ZHX2: variants seen among roughly 807,000 people sequenced by gnomAD.
ZHX2 encodes the protein zinc fingers and homeoboxes 2, also known as zinc fingers and homeoboxes protein 2.
Under a neutral mutation model 21.9 loss-of-function variants are expected in ZHX2, and 6 were observed. That is an observed-to-expected ratio of 0.27 (90% confidence interval 0.15 to 0.54). The LOEUF (loss-of-function observed/expected upper bound fraction) is 0.54, where lower values mean the gene tolerates loss of function less well. Ranked by LOEUF, ZHX2 falls within the 20% of genes least tolerant of loss-of-function variation. The pLI, the probability that ZHX2 is intolerant of heterozygous loss-of-function variation, is 0.95. For synonymous variants in ZHX2, 434 were observed against 437.1 expected, an observed-to-expected ratio of 0.99 and a Z score of 0.09; for missense variants, 908 against 1,090.7, an observed-to-expected ratio of 0.83 and a Z score of 2.36.
intron 1 of ZHX2, among the ~76,000 whole-genome samples, chr8:122,799,338 A>G (rs1475137416): frequency 6.6e-6 from 1 of 152,222 alleles, no homozygotes; most frequent in Non-Finnish European, 1.5e-5. Flanking sequence ...TACAAGATCA[A>G]ATGCTAAGTA....
At chr8:122,844,618 G>A (rs530907050) in intron 1 of ZHX2, among the ~76,000 whole-genome samples, 11 of 152,322 alleles carry the variant, frequency 7.2e-5, no homozygotes, top group African/African-American at 2.6e-4. Context: ...GGAGGTCAGG[G>A]TGAGGGAAGA....
chr8:122,870,752 C>T (rs1025048642), intron 2 of ZHX2, among the ~76,000 whole-genome samples: 17 of 151,422 alleles, frequency 1.1e-4, no homozygotes, highest in Admixed American at 3.3e-4. Flanking sequence ...GAGATGGTGG[C>T]TGTTCCGATG....
chr8:122,944,721 G>A (rs1190850732), intron 2 of ZHX2, among the ~76,000 whole-genome samples: 1 of 152,166 alleles, frequency 6.6e-6, no homozygotes, highest in East Asian at 1.9e-4. Context: ...TCGACTGCAG[G>A]AACCAATCAC....
At chr8:122,875,514 T>C (rs1245294841) in intron 2 of ZHX2, among the ~76,000 whole-genome samples, 1 of 152,128 alleles carries the variant, frequency 6.6e-6, no homozygotes. Flanking sequence ...CTTTGGGTCA[T>C]GAAAGCACCT....
chr8:122,891,455 C>T (rs1819977146), intron 2 of ZHX2, among the ~76,000 whole-genome samples: 1 of 151,618 alleles, frequency 6.6e-6, no homozygotes. Context: ...TATTTCTTTC[C>T]TTCTACTAAT....
chr8:122,935,965 A>G (rs1030879859), intron 2 of ZHX2, among the ~76,000 whole-genome samples: 3 of 152,204 alleles, frequency 2.0e-5, no homozygotes, highest in African/African-American at 7.2e-5. Flanking sequence ...GAAGGCAAGA[A>G]TCTTATACCT....
At chr8:122,830,811 T>C (rs1036634559) in intron 1 of ZHX2, among the ~76,000 whole-genome samples, 6 of 152,178 alleles carry the variant, frequency 3.9e-5, no homozygotes, top group African/African-American at 1.4e-4. Context: ...CATACATGAT[T>C]TTAAAGGGAC....
chr8:122,820,463 G>C (rs929347260), intron 1 of ZHX2, among the ~76,000 whole-genome samples: 1 of 152,164 alleles, frequency 6.6e-6, no homozygotes, highest in Non-Finnish European at 1.5e-5. Flanking sequence ...AATAGCACCC[G>C]CCTCCCTCCC....
At chr8:122,804,101 CA>C (rs1214823285) in intron 1 of ZHX2, among the ~76,000 whole-genome samples, 1 of 151,980 alleles carries the variant, frequency 6.6e-6, no homozygotes, top group African/African-American at 2.4e-5. Context: ...TTTATTTGTC[CA>C]TTTATTTATA....
At chr8:122,888,122 G>T (rs754728869) in intron 2 of ZHX2, among the ~76,000 whole-genome samples, 14 of 152,142 alleles carry the variant, frequency 9.2e-5, no homozygotes, top group Non-Finnish European at 1.9e-4. Flanking sequence ...GGACCAGGCA[G>T]CAGTCATCTC....
At chr8:122,907,853 C>T (rs894926231) in intron 2 of ZHX2, among the ~76,000 whole-genome samples, 1 of 152,152 alleles carries the variant, frequency 6.6e-6, no homozygotes, top group Admixed American at 6.5e-5. Flanking sequence ...CACTCCCAGC[C>T]CAGCACCAGG....
At chr8:122,908,118 A>C (rs1306346069) in intron 2 of ZHX2, among the ~76,000 whole-genome samples, 1 of 152,150 alleles carries the variant, frequency 6.6e-6, no homozygotes, top group Non-Finnish European at 1.5e-5. Context: ...GCCCCGCCCA[A>C]CCCAAAATCT....
chr8:122,818,467 T>C (rs765974498), intron 1 of ZHX2, among the ~76,000 whole-genome samples: 1 of 152,016 alleles, frequency 6.6e-6, no homozygotes, highest in Non-Finnish European at 1.5e-5. Flanking sequence ...TGAGAGCTGA[T>C]CGATGCTGGA....
Position 122,781,807 on chromosome 8 carries a change from C to G in ZHX2, c.-422C>G, listed in dbSNP as rs1367220328. On this transcript the variant is annotated 5_prime_UTR_variant, in exon 1 of 4. Coordinates refer to ENST00000314393, the MANE Select transcript of ZHX2 (RefSeq NM_014943.5). The surrounding 1 kb of genome is among the most constrained non-coding windows in gnomAD (Gnocchi z 4.6). ...TGGCTGGCAGGCTGGCTTTCCCCCTCTTTCCCACGGAGCCCGAGCCGGGCG... is the reference window on the plus strand; with the variant it reads ...TGGCTGGCAGGCTGGCTTTCCCCCTGTTTCCCACGGAGCCCGAGCCGGGCG... 1 of 152,042 alleles carries G rather than the reference C, an allele frequency of 6.6e-6. No individual in the cohort carries two copies. The highest frequency in any genetic ancestry group is 1.5e-5 in the Non-Finnish European group (1 of 67,956). The allele number at this position is 152,042 out of a possible 1,614,324, so 9.4% of individuals were successfully genotyped here.
chr8:122,782,441 C>T lies in ZHX2; in HGVS notation c.-283+495C>T, dbSNP rs1404986376. On this transcript the variant is annotated intron_variant, in intron 1 of 3. Transcript: ENST00000314393. The surrounding 1 kb of genome is among the most constrained non-coding windows in gnomAD (Gnocchi z 5.3). ...AAACGGGGCAGGTCCCGCGGGGACT[C>T]CACCGGGACGTGGCCCCGTCTCCGC... Among the ~76,000 whole-genome samples, 1 of 152,086 alleles carries T rather than the reference C, an allele frequency of 6.6e-6. No homozygotes were observed. The highest frequency in any genetic ancestry group is 2.4e-5 in the African/African-American group (1 of 41,416).
chr8:122,825,044 G>A (rs1010855281), intron 1 of ZHX2, among the ~76,000 whole-genome samples: 1 of 152,150 alleles, frequency 6.6e-6, no homozygotes, highest in Non-Finnish European at 1.5e-5. Context: ...AGCCTACCTG[G>A]TTAAGCCAGG....
Position 122,782,880 on chromosome 8 carries a change from T to C in ZHX2, c.-283+934T>C, listed in dbSNP as rs1205233150. On this transcript the variant is annotated intron_variant, in intron 1 of 3. Transcript: ENST00000314393. The surrounding 1 kb of genome is among the most constrained non-coding windows in gnomAD (Gnocchi z 5.3). ...CACAAGAGGTTAATCTTTGTTGGTG[T>C]TGCAGCTTCTTTGTGGCTTCCCCAG... Among the ~76,000 whole-genome samples the C allele has an allele frequency of 6.6e-6, 1 of 152,236 alleles. No individual in the cohort carries two copies. Among genetic ancestry groups the C allele is most frequent in the African/African-American group, 2.4e-5 (1 of 41,476 alleles).
At chr8:122,969,635 C>T (rs748052288) in intron 3 of ZHX2, among the ~76,000 whole-genome samples, 1 of 152,014 alleles carries the variant, frequency 6.6e-6, no homozygotes, top group Non-Finnish European at 1.5e-5. Context: ...CAGGTTTGTC[C>T]GTATCAAAAA....
intron 1 of ZHX2, among the ~76,000 whole-genome samples, chr8:122,801,418 A>G (rs1190321800): frequency 6.6e-6 from 1 of 152,064 alleles, no homozygotes; most frequent in East Asian, 1.9e-4. Context: ...AGGACCTTAT[A>G]AACAGGGAGA....
Sources: allele counts gnomAD v4.1 joint callset (sites outside exome capture counted in the v4.1 genomes callset), GRCh38; gene constraint gnomAD v4.1.1; non-coding constraint Gnocchi (gnomAD v3.1); transcripts MANE v1.5; gene names NCBI Gene and HGNC (gene_info 2026-07-23, HGNC 2026-07-21).